ADSS1: variants seen among roughly 807,000 people sequenced by gnomAD.
The protein encoded by ADSS1 is adenylosuccinate synthetase isozyme 1.
In ADSS1, 57 loss-of-function variants were observed where a neutral mutation model predicts 59.1. The observed-to-expected ratio is 0.97, with a 90% CI of 0.78 to 1.20. The LOEUF (loss-of-function observed/expected upper bound fraction) is 1.20, where lower values mean the gene tolerates loss of function less well. ADSS1 is among the 50% of genes most tolerant of loss of function. The pLI is 0.00. For synonymous variants in ADSS1, 247 were observed against 249.4 expected, an observed-to-expected ratio of 0.99 and a Z score of 0.09; for missense variants, 603 against 610.3, an observed-to-expected ratio of 0.99 and a Z score of 0.13.
At position 104,746,980 on chromosome 14, in the gene ADSS1, G is replaced by C. The variant is rs1450996072; in HGVS notation, c.1351G>C (p.Glu451Gln). ...VKWVGVGKSRESMIQLF is the reference protein window; with the variant it reads ...VKWVGVGKSRQSMIQLF ...ATGGGTTGGTGTTGGCAAGTCAAGA[G>C]AGTCGATGATCCAGCTGTTTTAGTC... The change falls in exon 13 of 13, where the codon GAG becomes CAG. Residue 451 changes from glutamate (E) to glutamine (Q), a missense_variant. Coordinates refer to ENST00000330877, the MANE Select transcript of ADSS1 (RefSeq NM_152328.5). The C allele has an allele frequency of 1.2e-6, 2 of 1,613,972 alleles. No individual in the cohort carries two copies. The highest frequency in any genetic ancestry group is 2.2e-5 in the East Asian group (1 of 44,904).
intron 7 of ADSS1, 29 bp from the exon 8 acceptor site, chr14:104,741,088 T>C (rs773790216): frequency 6.3e-7 from 1 of 1,589,076 alleles, no homozygotes; most frequent in Non-Finnish European, 8.6e-7. Context: ...GGCCACAGGC[T>C]CACTCTGCTG....
At chr14:104,739,482 C>T in intron 4 of ADSS1, 104 bp downstream of exon 4, 1 of 1,305,376 alleles carries the variant, frequency 7.7e-7, no homozygotes. Flanking sequence ...TCCCCAAGGC[C>T]TTCTTGCTCC....
chr14:104,732,858 G>A (rs1042382235), intron 1 of ADSS1, among the ~76,000 whole-genome samples: 53 of 152,324 alleles, frequency 3.5e-4, no homozygotes, highest in Admixed American at 1.2e-3. Context: ...TGACCCCAGC[G>A]GAGAGGAATT....
chr14:104,744,504 T>C (rs1368921703), intron 10 of ADSS1: 5 of 284,660 alleles, frequency 1.8e-5, no homozygotes, highest in Non-Finnish European at 3.3e-5. Flanking sequence ...ACCTCTGATC[T>C]TCAGGCATTC....
At chr14:104,725,744 A>G (rs1188485370) in intron 1 of ADSS1, among the ~76,000 whole-genome samples, 1 of 152,080 alleles carries the variant, frequency 6.6e-6, no homozygotes, top group African/African-American at 2.4e-5. Context: ...CCAGCGCTCT[A>G]CTGCTCTTCA....
intron 12 of ADSS1, among the ~76,000 whole-genome samples, 168 bp downstream of exon 12, chr14:104,746,553 C>T (rs548016562): frequency 7.2e-5 from 11 of 152,202 alleles, no homozygotes; most frequent in South Asian, 2.1e-4. Context: ...AGTGTGGCTC[C>T]GGGCTAGGGT....
chr14:104,743,058 C>G lies in ADSS1; in HGVS notation c.949-9C>G. Reference sequence around the variant, plus strand: ...CAGCTCACATGACGTCCTCCCTGTTCTCATGTAGGAGATTGGAGGCCTGCT... The same window carrying G: ...CAGCTCACATGACGTCCTCCCTGTTGTCATGTAGGAGATTGGAGGCCTGCT... On this transcript the variant is annotated splice_polypyrimidine_tract_variant and intron_variant, in intron 9 of 12. Coordinates refer to ENST00000330877, the MANE Select transcript of ADSS1 (RefSeq NM_152328.5). The G allele has an allele frequency of 6.2e-7, 1 of 1,612,748 alleles. No individual in the cohort carries two copies. Among genetic ancestry groups the G allele is most frequent in the African/African-American group, 1.3e-5 (1 of 75,052 alleles).
At chr14:104,730,081 C>G in intron 1 of ADSS1, 1 of 1,557,750 alleles carries the variant, frequency 6.4e-7, no homozygotes, top group Non-Finnish European at 8.7e-7. Flanking sequence ...TTCCCAGTGC[C>G]TGTGGAGGCC....
rs1891333100 is a variant in ADSS1 at position 104,741,143 on chromosome 14, G to C, written c.693G>C (p.Met231Ile). 3 of 1,609,626 alleles carry C rather than the reference G, an allele frequency of 1.9e-6. No individual in the cohort carries two copies. Among genetic ancestry groups the C allele is most frequent in the Non-Finnish European group, 2.5e-6 (3 of 1,177,406 alleles). The change falls in exon 8 of 13, where the codon ATG becomes ATC. Residue 231 changes from methionine (M) to isoleucine (I), a missense_variant. By Grantham distance (10) the Met-to-Ile change is conservative. Transcript: ENST00000330877. Reference sequence around the variant, plus strand: ...GCTTTGCTGAGCGGATCAGACCCATGGTCCGAGATGGTGTTTACTTTATGT... The same window carrying C: ...GCTTTGCTGAGCGGATCAGACCCATCGTCCGAGATGGTGTTTACTTTATGT... The part of the protein sequence containing the change: ...LKGFAERIRP[M>I]VRDGVYFMYE...
At chr14:104,745,561 G>A (rs541466461) in intron 11 of ADSS1, 1 of 153,272 alleles carries the variant, frequency 6.5e-6, no homozygotes, top group East Asian at 1.9e-4. Context: ...CCACTCAGCA[G>A]ATCTTTGTAG....
chr14:104,736,135 A>G, intron 2 of ADSS1, among the ~76,000 whole-genome samples: 1 of 152,148 alleles, frequency 6.6e-6, no homozygotes, highest in East Asian at 1.9e-4. Flanking sequence ...CTCACCCAAG[A>G]CCATCCCCTG....
chr14:104,730,048 G>A lies in ADSS1; in HGVS notation c.193-4972G>A. 2 of 1,572,540 alleles carry A rather than the reference G, an allele frequency of 1.3e-6. No homozygotes were observed. Among genetic ancestry groups the A allele is most frequent in the South Asian group, 1.2e-5 (1 of 85,662 alleles). On this transcript the variant is annotated intron_variant, in intron 1 of 12. Coordinates refer to ENST00000330877, the MANE Select transcript of ADSS1 (RefSeq NM_152328.5). ...TCCAGTTACTGAGTGGCCACTCCGTGCCAGCTCAGCCCACCCCTCACCTTC... is the reference window on the plus strand; with the variant it reads ...TCCAGTTACTGAGTGGCCACTCCGTACCAGCTCAGCCCACCCCTCACCTTC...
At chr14:104,743,274 G>T in intron 10 of ADSS1, 83 bp downstream of exon 10, 1 of 1,561,802 alleles carries the variant, frequency 6.4e-7, no homozygotes, top group South Asian at 1.1e-5. Flanking sequence ...TGACGCAGGG[G>T]CTGAGGGCCA....
At chr14:104,737,769 T>A (rs1355941176) in intron 2 of ADSS1, 2 of 152,238 alleles carry the variant, frequency 1.3e-5, no homozygotes, top group Admixed American at 6.5e-5. Flanking sequence ...ATAAGCGGAA[T>A]CATCCTGTTT....
chr14:104,726,973 C>T (rs1890734036), intron 1 of ADSS1, among the ~76,000 whole-genome samples: 2 of 152,162 alleles, frequency 1.3e-5, no homozygotes, highest in Non-Finnish European at 2.9e-5. Flanking sequence ...CAGGCTCTGG[C>T]TCTGCCTGCT....
At chr14:104,744,131 A>G (rs1273959799) in intron 10 of ADSS1, among the ~76,000 whole-genome samples, 1 of 152,160 alleles carries the variant, frequency 6.6e-6, no homozygotes, top group African/African-American at 2.4e-5. Context: ...TGCCATGCTC[A>G]CGGGCTGGAC....
At chr14:104,732,529 C>A (rs1053401466) in intron 1 of ADSS1, among the ~76,000 whole-genome samples, 2 of 152,196 alleles carry the variant, frequency 1.3e-5, no homozygotes, top group African/African-American at 4.8e-5. Flanking sequence ...TGGCACTGGC[C>A]CTGCGGTCAT....
intron 2 of ADSS1, chr14:104,737,741 C>T (rs1438476727): frequency 2.0e-5 from 3 of 152,264 alleles, no homozygotes; most frequent in Non-Finnish European, 4.4e-5. Flanking sequence ...ATGAATTTCA[C>T]TTTTCCAGGG....
chr14:104,741,334 GA>G, intron 8 of ADSS1, 91 bp downstream of exon 8: 1 of 1,481,528 alleles, frequency 6.7e-7, no homozygotes, highest in Non-Finnish European at 9.0e-7. Flanking sequence ...ATGGGGGAGG[GA>G]GGGGCAGACC....
Sources: allele counts gnomAD v4.1 joint callset (sites outside exome capture counted in the v4.1 genomes callset), GRCh38; gene constraint gnomAD v4.1.1; transcripts MANE v1.5; gene names NCBI Gene and HGNC (gene_info 2026-07-23, HGNC 2026-07-21).